FRMD4A: variants seen among roughly 807,000 people sequenced by gnomAD.
The protein encoded by FRMD4A is FERM domain containing 4A.
Under a neutral mutation model 129.1 loss-of-function variants are expected in FRMD4A, and 29 were observed. That is an observed-to-expected ratio of 0.22 (90% confidence interval 0.17 to 0.31). The LOEUF (loss-of-function observed/expected upper bound fraction) is 0.31. Among genes scored for constraint, FRMD4A ranks in the 10% least tolerant of loss-of-function variants. FRMD4A has a pLI of 1.00. For missense variants in FRMD4A, 1,272 were observed against 1,375.8 expected, an observed-to-expected ratio of 0.92 and a Z score of 1.19; for synonymous variants, 634 against 571.6, an observed-to-expected ratio of 1.11 and a Z score of -1.56.
intron 8 of FRMD4A, among the ~76,000 whole-genome samples, chr10:13,756,585 G>A (rs538255355): frequency 6.6e-5 from 10 of 152,200 alleles, no homozygotes; most frequent in African/African-American, 2.4e-4. Flanking sequence ...GGCTGGTCTC[G>A]AACTCCTGGC....
At chr10:14,326,938 C>T in intron 2 of FRMD4A, 2 of 398,728 alleles carry the variant, frequency 5.0e-6, no homozygotes, top group Non-Finnish European at 8.8e-6. Flanking sequence ...CAGAATGTGT[C>T]TTCTCTCCAA....
intron 2 of FRMD4A, among the ~76,000 whole-genome samples, chr10:13,929,076 T>A (rs1349610854): frequency 6.6e-6 from 1 of 152,226 alleles, no homozygotes; most frequent in African/African-American, 2.4e-5. Flanking sequence ...TTTATTTCCT[T>A]ATTATTTGTA....
chr10:13,759,695 A>G (rs530524995), intron 8 of FRMD4A, among the ~76,000 whole-genome samples: 22 of 152,332 alleles, frequency 1.4e-4, no homozygotes, highest in South Asian at 2.1e-4. Context: ...ACAAATAAAA[A>G]TTGTAACAAG....
intron 2 of FRMD4A, among the ~76,000 whole-genome samples, chr10:14,167,930 G>A (rs73597276): frequency 0.017 from 2,517 of 152,322 alleles, 59 homozygotes; most frequent in African/African-American, 0.058. Context: ...TCTGCAACAC[G>A]TGGTGGGAGG....
chr10:13,696,136 G>A (rs1023705306), intron 14 of FRMD4A, among the ~76,000 whole-genome samples: 27 of 152,116 alleles, frequency 1.8e-4, no homozygotes, highest in African/African-American at 6.0e-4. Context: ...TTCCTCAGGC[G>A]AATTTCCTTG....
At chr10:14,084,441 C>T (rs1318291350) in intron 2 of FRMD4A, among the ~76,000 whole-genome samples, 1 of 152,204 alleles carries the variant, frequency 6.6e-6, no homozygotes, top group Non-Finnish European at 1.5e-5. Flanking sequence ...GCCACTGCAC[C>T]CGGCTGGGGT....
intron 3 of FRMD4A, among the ~76,000 whole-genome samples, chr10:13,847,337 C>A (rs567737650): frequency 6.6e-6 from 1 of 152,258 alleles, no homozygotes; most frequent in African/African-American, 2.4e-5. Context: ...AGCCAGGAAG[C>A]CACAAACAGA....
At chr10:14,089,290 C>G (rs1261096356) in intron 2 of FRMD4A, among the ~76,000 whole-genome samples, 1 of 152,170 alleles carries the variant, frequency 6.6e-6, no homozygotes, top group African/African-American at 2.4e-5. Context: ...GCGTGACCAC[C>G]GTTGGCTGAC....
intron 15 of FRMD4A, among the ~76,000 whole-genome samples, chr10:13,687,696 C>G (rs779336325): frequency 6.6e-6 from 1 of 152,168 alleles, no homozygotes; most frequent in South Asian, 2.1e-4. Context: ...AGAGACGCAG[C>G]TACAAATGTG....
At chr10:13,647,791 A>C (rs1345356241) in intron 24 of FRMD4A, 1 of 150,574 alleles carries the variant, frequency 6.6e-6, no homozygotes, top group Non-Finnish European at 1.5e-5. Context: ...GGGTAGAAGT[A>C]ATTCTTAAAT....
intron 12 of FRMD4A, among the ~76,000 whole-genome samples, chr10:13,727,115 T>G (rs1276705704): frequency 6.6e-6 from 1 of 151,530 alleles, no homozygotes; most frequent in Non-Finnish European, 1.5e-5. Context: ...TTGGCCAGGC[T>G]GGTCTCATAT....
chr10:13,808,857 T>A (rs758234376), intron 4 of FRMD4A, among the ~76,000 whole-genome samples: 5 of 152,170 alleles, frequency 3.3e-5, no homozygotes, highest in African/African-American at 4.8e-5. Context: ...GCACTTTCTC[T>A]GGATCATGCC....
intron 2 of FRMD4A, among the ~76,000 whole-genome samples, chr10:14,190,231 G>C (rs145280390): frequency 4.0e-4 from 61 of 152,312 alleles, no homozygotes; most frequent in Non-Finnish European, 7.6e-4. Context: ...AGTGAAAACA[G>C]TAGTTTCTTC....
chr10:14,101,021 C>T (rs775091643), intron 2 of FRMD4A, among the ~76,000 whole-genome samples: 2 of 152,166 alleles, frequency 1.3e-5, no homozygotes, highest in Non-Finnish European at 2.9e-5. Context: ...TCCAGGGTTT[C>T]CCCAAGAACC....
intron 2 of FRMD4A, among the ~76,000 whole-genome samples, chr10:13,859,981 G>T (rs564205252): frequency 6.6e-6 from 1 of 152,250 alleles, no homozygotes; most frequent in South Asian, 2.1e-4. Flanking sequence ...AAATAAATGG[G>T]CCGAGCCCAG....
intron 2 of FRMD4A, among the ~76,000 whole-genome samples, chr10:14,232,270 T>A (rs1489213858): frequency 2.6e-5 from 4 of 152,230 alleles, no homozygotes; most frequent in Non-Finnish European, 5.9e-5. Flanking sequence ...TGGTTCTGTA[T>A]CCTGTTCCAT....
chr10:13,714,546 G>C (rs1008761324), intron 12 of FRMD4A, among the ~76,000 whole-genome samples: 4 of 151,840 alleles, frequency 2.6e-5, no homozygotes, highest in African/African-American at 9.7e-5. Flanking sequence ...CTTCTACTTT[G>C]TACTGGACTG....
intron 2 of FRMD4A, among the ~76,000 whole-genome samples, chr10:14,136,568 A>G (rs111509174): frequency 1.3e-5 from 2 of 152,156 alleles, no homozygotes; most frequent in East Asian, 3.9e-4. Context: ...CTCGTCTCAT[A>G]TGTAAACTGT....
At chr10:13,872,933 T>C (rs1485937303) in intron 2 of FRMD4A, among the ~76,000 whole-genome samples, 3 of 152,100 alleles carry the variant, frequency 2.0e-5, no homozygotes, top group East Asian at 3.9e-4. Flanking sequence ...CACAGCACTT[T>C]GGGAGGCGGA....
Sources: gnomAD v4.1 joint callset for allele counts (sites outside exome capture counted in the v4.1 genomes callset) on GRCh38, gnomAD v4.1.1 for gene constraint, MANE v1.5 for transcripts, NCBI Gene and HGNC (gene_info 2026-07-23, HGNC 2026-07-21) for gene names.